The following KCNH7 variants were observed in gnomAD, a reference collection of about 807,000 sequenced individuals.
The protein encoded by KCNH7 is voltage-gated inwardly rectifying potassium channel KCNH7.
A neutral mutation model predicts 120.8 loss-of-function variants in KCNH7; 49 were observed. The ratio of observed to expected loss-of-function variants is 0.41; its 90% CI spans 0.32 to 0.51. The LOEUF is 0.51. Ranked by LOEUF, KCNH7 falls within the 20% of genes least tolerant of loss-of-function variation. KCNH7 has a pLI of 0.38. For synonymous variants in KCNH7, 547 were observed against 516.1 expected (o/e 1.06, Z -0.81); for missense variants, 1,097 against 1,446.6 (o/e 0.76, Z 3.92).
chr2:162,579,538 ACAT>A (rs1462401652), intron 2 of KCNH7, among the ~76,000 whole-genome samples: 1 of 152,010 alleles, frequency 6.6e-6, no homozygotes, highest in Non-Finnish European at 1.5e-5. Flanking sequence ...CTAGTGTTTG[ACAT>A]ACGGGTTTCA....
intron 9 of KCNH7, among the ~76,000 whole-genome samples, chr2:162,422,485 C>A (rs138145120): frequency 1.3e-5 from 2 of 151,994 alleles, no homozygotes; most frequent in East Asian, 3.9e-4. Context: ...TATTTTTATT[C>A]TTTTTTTTCT....
intron 8 of KCNH7, among the ~76,000 whole-genome samples, chr2:162,434,728 T>C (rs1338542304): frequency 2.0e-5 from 3 of 151,780 alleles, no homozygotes; most frequent in Non-Finnish European, 2.9e-5. Context: ...TATATACACA[T>C]ACATACATAT....
intron 2 of KCNH7, among the ~76,000 whole-genome samples, chr2:162,802,107 GA>G (rs1482117214): frequency 6.6e-6 from 1 of 151,718 alleles, no homozygotes; most frequent in Non-Finnish European, 1.5e-5. Flanking sequence ...TGTGAGGTTG[GA>G]AAATTTGCAT....
At chr2:162,441,533 G>A (rs1380455597) in intron 7 of KCNH7, among the ~76,000 whole-genome samples, 1 of 152,126 alleles carries the variant, frequency 6.6e-6, no homozygotes, top group Non-Finnish European at 1.5e-5. Flanking sequence ...AGGGGTCAAT[G>A]AAGCAAATAA....
chr2:162,429,383 C>CTTTTGTTTTTT (rs1687984055), intron 8 of KCNH7, among the ~76,000 whole-genome samples: 1 of 86,270 alleles, frequency 1.2e-5, no homozygotes, highest in African/African-American at 6.3e-5. Context: ...AGGAAAAAGT[C>CTTTTGTTTTTT]TTTTTTTTTT....
At chr2:162,382,831 T>C (rs1223956987) in intron 13 of KCNH7, among the ~76,000 whole-genome samples, 2 of 151,948 alleles carry the variant, frequency 1.3e-5, no homozygotes, top group Non-Finnish European at 2.9e-5. Flanking sequence ...TCCCCATTGG[T>C]TAAAGATATT....
At chr2:162,484,692 G>A (rs1690035325) in intron 6 of KCNH7, among the ~76,000 whole-genome samples, 1 of 152,134 alleles carries the variant, frequency 6.6e-6, no homozygotes. Context: ...AGGTGTTTGG[G>A]TCATGGGGGC....
intron 9 of KCNH7, among the ~76,000 whole-genome samples, chr2:162,405,727 T>G (rs1216888979): frequency 2.0e-5 from 3 of 151,980 alleles, no homozygotes; most frequent in Non-Finnish European, 4.4e-5. Context: ...TGACATGTCT[T>G]ATTAACTTTT....
chr2:162,483,781 C>G (rs1016861700), intron 6 of KCNH7, among the ~76,000 whole-genome samples: 9 of 152,118 alleles, frequency 5.9e-5, no homozygotes, highest in Non-Finnish European at 1.3e-4. Context: ...TCTTGTTCAA[C>G]TACTTGGTTT....
At chr2:162,372,997 A>C (rs1006103928) in intron 15 of KCNH7, among the ~76,000 whole-genome samples, 1 of 152,130 alleles carries the variant, frequency 6.6e-6, no homozygotes, top group Non-Finnish European at 1.5e-5. Context: ...TTTGAACCTC[A>C]GGTCTAATCT....
chr2:162,492,865 G>GTTTTTTTTTTT (rs67006443), intron 6 of KCNH7, among the ~76,000 whole-genome samples: 4 of 57,180 alleles, frequency 7.0e-5, no homozygotes, highest in Non-Finnish European at 7.1e-5. Flanking sequence ...CTTGGATCTT[G>GTTTTTTTTTTT]TTTTTTTTTT....
At chr2:162,714,562 T>C (rs1687042444) in intron 2 of KCNH7, among the ~76,000 whole-genome samples, 1 of 152,202 alleles carries the variant, frequency 6.6e-6, no homozygotes, top group Non-Finnish European at 1.5e-5. Context: ...AAAATGTCTG[T>C]TTAAAACCTA....
At chr2:162,529,797 C>T (rs1194971986) in intron 3 of KCNH7, among the ~76,000 whole-genome samples, 1 of 151,784 alleles carries the variant, frequency 6.6e-6, no homozygotes, top group Non-Finnish European at 1.5e-5. Context: ...TTTTCTCTTT[C>T]ACTCCGTATT....
chr2:162,804,362 A>G (rs1684457660), intron 2 of KCNH7, among the ~76,000 whole-genome samples: 1 of 151,980 alleles, frequency 6.6e-6, no homozygotes, highest in African/African-American at 2.4e-5. Flanking sequence ...GATTTGATAA[A>G]TGAATTTCAG....
Position 162,710,864 on chromosome 2 carries a change from AG to A in KCNH7, c.307+125672del, listed in dbSNP as rs201906901. ...TAATGGGAAATTTATAGATTTTAAA[AG>A]TTGACTCAAATTCTTCTAATATATT... On this transcript the variant is annotated intron_variant, in intron 2 of 15. Transcript: ENST00000332142. 7.9e-5 allele frequency among the ~76,000 whole-genome samples: 12 copies of A among 152,268 alleles called. 1 individual carries two copies. In the East Asian group the frequency reaches 2.3e-3, roughly 29 times the overall value.
intron 2 of KCNH7, among the ~76,000 whole-genome samples, chr2:162,662,134 G>A (rs963340233): frequency 9.9e-5 from 15 of 152,032 alleles, no homozygotes; most frequent in South Asian, 4.2e-4. Flanking sequence ...ATGGTGGCGC[G>A]CACCTATTGT....
At chr2:162,772,575 A>G (rs766903700) in intron 2 of KCNH7, among the ~76,000 whole-genome samples, 6 of 152,176 alleles carry the variant, frequency 3.9e-5, no homozygotes, top group Admixed American at 1.3e-4. Context: ...GGCCACAAGT[A>G]TTAAAGTCAA....
intron 2 of KCNH7, among the ~76,000 whole-genome samples, chr2:162,651,974 A>C (rs1684582013): frequency 6.6e-6 from 1 of 152,044 alleles, no homozygotes; most frequent in African/African-American, 2.4e-5. Flanking sequence ...GCTTTTTTTC[A>C]TATTCTTCTT....
At chr2:162,683,722 G>A (rs1030206873) in intron 2 of KCNH7, among the ~76,000 whole-genome samples, 1 of 151,652 alleles carries the variant, frequency 6.6e-6, no homozygotes, top group Non-Finnish European at 1.5e-5. Flanking sequence ...TGGGTGCCTG[G>A]AAAATTATTC....
Sources: allele counts gnomAD v4.1 joint callset (sites outside exome capture counted in the v4.1 genomes callset), GRCh38; gene constraint gnomAD v4.1.1; transcripts MANE v1.5; gene names NCBI Gene and HGNC (gene_info 2026-07-23, HGNC 2026-07-21).